Variants in ATP6V1C2 observed in about 807,000 individuals in gnomAD.
ATP6V1C2 encodes the protein V-type proton ATPase subunit C 2.
In ATP6V1C2, 45 loss-of-function variants were observed where a neutral mutation model predicts 56.8. That is an observed-to-expected ratio of 0.79 (90% CI 0.62 to 1.02). ATP6V1C2 has a LOEUF of 1.02. Among genes scored for constraint, ATP6V1C2 ranks in the 50% least tolerant of loss-of-function variants. The pLI is 0.00. For missense variants in ATP6V1C2, 463 were observed against 519.7 expected, an observed-to-expected ratio of 0.89 and a Z score of 1.06; for synonymous variants, 220 against 201.3, an observed-to-expected ratio of 1.09 and a Z score of -0.79.
chr2:10,783,091 C>A, intron 13 of ATP6V1C2, 83 bp from the exon 14 acceptor site: 2 of 1,035,976 alleles, frequency 1.9e-6, no homozygotes, highest in Non-Finnish European at 3.0e-6. Context: ...ACGCTCAGTG[C>A]CTGGCGAGCT....
intron 4 of ATP6V1C2, 102 bp from the exon 5 acceptor site, chr2:10,764,229 C>T: frequency 9.5e-7 from 1 of 1,052,630 alleles, no homozygotes; most frequent in South Asian, 1.4e-5. Context: ...CCCATGATGG[C>T]TGCCTTCGTG....
chr2:10,722,911 G>A lies in ATP6V1C2; in HGVS notation c.62G>A (p.Arg21Lys), dbSNP rs201851019. Residue 21 changes from arginine (R) to lysine (K), a missense_variant, in exon 2 of 14, where the codon AGG (arginine) becomes AAG (lysine). Arg to Lys is a conservative substitution (Grantham distance 26, BLOSUM62 2). Transcript: ENST00000272238. ...GDKENLQALE[R>K]MNTVTSKSNL... ...AAGGAAAATTTGCAAGCTCTGGAGA[G>A]GATGAATACTGTAACCTCCAAGTCC... is the stretch of plus-strand genomic sequence containing the variant. 2 of 1,614,098 alleles carry A rather than the reference G, an allele frequency of 1.2e-6. No homozygotes were observed. Among genetic ancestry groups the A allele is most frequent in the East Asian group, 2.2e-5 (1 of 44,880 alleles).
chr2:10,772,419 C>G, intron 7 of ATP6V1C2, 123 bp from the exon 8 acceptor site: 3 of 841,406 alleles, frequency 3.6e-6, no homozygotes, highest in Non-Finnish European at 6.1e-6. Flanking sequence ...TGAGGGCTCC[C>G]TCTGACCCCA....
intron 12 of ATP6V1C2, among the ~76,000 whole-genome samples, chr2:10,781,042 G>A (rs759786855): frequency 2.6e-5 from 4 of 152,144 alleles, no homozygotes; most frequent in South Asian, 4.1e-4. Flanking sequence ...CACTGCACCC[G>A]GCATGGTGTC....
At chr2:10,760,289 GAA>G (rs565603158) in intron 4 of ATP6V1C2, among the ~76,000 whole-genome samples, 29 of 151,924 alleles carry the variant, frequency 1.9e-4, no homozygotes, top group Non-Finnish European at 3.8e-4. Context: ...GGAATTGCTT[GAA>G]CCCTGGAGGC....
chr2:10,767,377 G>A lies in ATP6V1C2; in HGVS notation c.379-1342G>A, dbSNP rs563931535. 2.6e-5 allele frequency among the ~76,000 whole-genome samples: 4 copies of A among 152,014 alleles called. No individual in the cohort carries two copies. In the South Asian group the frequency reaches 8.3e-4, roughly 32 times the overall value. On this transcript the variant is annotated intron_variant, in intron 5 of 13. Coordinates refer to ENST00000272238, the MANE Select transcript of ATP6V1C2 (RefSeq NM_001039362.2). ...AGGGTTTCACCCTGTTGCCCAGGCT[G>A]GTCCCAAACTCCTGAGCTCAGGCAA...
intron 10 of ATP6V1C2, among the ~76,000 whole-genome samples, 165 bp downstream of exon 10, chr2:10,775,236 G>A (rs544270992): frequency 6.6e-6 from 1 of 152,230 alleles, no homozygotes; most frequent in Non-Finnish European, 1.5e-5. Context: ...GCAGGGTCTG[G>A]GGGGAGGGGC....
At chr2:10,768,434 G>A (rs1198848) in intron 5 of ATP6V1C2, among the ~76,000 whole-genome samples, 56,469 of 152,124 alleles carry the variant, frequency 0.37, 11,009 homozygotes, top group East Asian at 0.63. Flanking sequence ...GAGCCTGAGA[G>A]GGTAGGTGTG....
chr2:10,757,878 T>C (rs1405768800), intron 4 of ATP6V1C2, among the ~76,000 whole-genome samples: 1 of 152,228 alleles, frequency 6.6e-6, no homozygotes, highest in Non-Finnish European at 1.5e-5. Flanking sequence ...GGTTCAGACA[T>C]ACAAGGAGCC....
At chr2:10,774,023 CCGGGGATCCTTGA>C (rs1443080746) in intron 8 of ATP6V1C2, among the ~76,000 whole-genome samples, 1 of 152,256 alleles carries the variant, frequency 6.6e-6, no homozygotes, top group Admixed American at 6.5e-5. Flanking sequence ...AGGCCAAGAG[CCGGGGATCCTTGA>C]CAGGGCCGGC....
At chr2:10,765,247 C>T (rs537993983) in intron 5 of ATP6V1C2, among the ~76,000 whole-genome samples, 3 of 152,306 alleles carry the variant, frequency 2.0e-5, no homozygotes, top group South Asian at 4.1e-4. Context: ...CCCTGTGACT[C>T]GAGTCCCAGG....
At position 10,736,343 on chromosome 2, in the gene ATP6V1C2, T is replaced by G. The variant is rs997325723; in HGVS notation, c.197+9774T>G. 8.5e-5 allele frequency among the ~76,000 whole-genome samples: 13 copies of G among 152,218 alleles called. No individual in the cohort carries two copies. In the East Asian group the frequency reaches 2.5e-3, roughly 29 times the overall value. On this transcript the variant is annotated intron_variant, in intron 3 of 13. Transcript: ENST00000272238. ...TATTCACAAAATTTTTCAGTACTGT[T>G]GCTCTGTTAGTTTTCTCTTTGGAGG...
intron 10 of ATP6V1C2, among the ~76,000 whole-genome samples, chr2:10,776,953 G>C (rs551623197): frequency 6.6e-6 from 1 of 152,318 alleles, no homozygotes; most frequent in East Asian, 1.9e-4. Flanking sequence ...TGAGAATCTG[G>C]CCCCCTCTGG....
At position 10,782,456 on chromosome 2, in the gene ATP6V1C2, A is replaced by G. The variant is rs115537402; in HGVS notation, c.1194+81A>G. The G allele has an allele frequency of 5.9e-4, 895 of 1,513,268 alleles. 6 individuals carry two copies. In the African/African-American group the frequency reaches 0.011, roughly 18 times the overall value. 93.7% of individuals were successfully genotyped at this position (1,513,268 alleles called of 1,614,324 possible). A position where few individuals can be genotyped will look rare whatever the true frequency, so the allele number is the denominator to read the frequency against. ...AAAACTGGTATCTGCCTGTAATCCC[A>G]ACACTTTGGGAGGTAGGTGGATCAC... On this transcript the variant is annotated intron_variant, in intron 13 of 13. Transcript: ENST00000272238.
At chr2:10,741,761 A>T (rs917076728) in intron 3 of ATP6V1C2, among the ~76,000 whole-genome samples, 1 of 152,116 alleles carries the variant, frequency 6.6e-6, no homozygotes, top group Admixed American at 6.6e-5. Context: ...TGTGTGGAGC[A>T]TTCAGATATA....
intron 3 of ATP6V1C2, among the ~76,000 whole-genome samples, chr2:10,739,205 C>A (rs1164643490): frequency 6.6e-6 from 1 of 152,154 alleles, no homozygotes; most frequent in Non-Finnish European, 1.5e-5. Context: ...ATCGCTTGAA[C>A]CCGGGAGACG....
chr2:10,745,373 TAGACAG>T (rs1248457132), intron 3 of ATP6V1C2, among the ~76,000 whole-genome samples: 12 of 144,282 alleles, frequency 8.3e-5, no homozygotes, highest in African/African-American at 2.8e-4. Flanking sequence ...TTTTTTTCTT[TAGACAG>T]AGTCTCACTC....
At chr2:10,772,704 GGCTCCCCA>G (rs1390564403) in intron 8 of ATP6V1C2, 94 bp downstream of exon 8, 1 of 1,134,642 alleles carries the variant, frequency 8.8e-7, no homozygotes, top group Non-Finnish European at 1.3e-6. Flanking sequence ...GAGGGTGTGA[GGCTCCCCA>G]GCTTTCCACA....
intron 3 of ATP6V1C2, among the ~76,000 whole-genome samples, chr2:10,743,789 A>G (rs1662695625): frequency 6.6e-6 from 1 of 151,956 alleles, no homozygotes; most frequent in Admixed American, 6.6e-5. Context: ...GCTCAAGACC[A>G]GCCTGGCTAA....
Sources: gnomAD v4.1 joint callset for allele counts (sites outside exome capture counted in the v4.1 genomes callset) on GRCh38, gnomAD v4.1.1 for gene constraint, MANE v1.5 for transcripts, NCBI Gene and HGNC (gene_info 2026-07-23, HGNC 2026-07-21) for gene names.